TRPM6: variants seen among roughly 807,000 people sequenced by gnomAD.
TRPM6 encodes channel kinase 2.
A neutral mutation model predicts 247.6 loss-of-function variants in TRPM6; 111 were observed. The observed-to-expected ratio is 0.45, with a 90% CI of 0.38 to 0.52. The LOEUF (loss-of-function observed/expected upper bound fraction) is 0.52. Among genes scored for constraint, TRPM6 ranks in the 20% least tolerant of loss-of-function variants. The pLI, the probability that TRPM6 is intolerant of heterozygous loss-of-function variation, is 0.00. For synonymous variants in TRPM6, 892 were observed against 853.8 expected (o/e 1.04, Z -0.78); for missense variants, 2,126 against 2,421.5 (o/e 0.88, Z 2.56).
chr9:74,731,604 A>G (rs1311475191), intron 37 of TRPM6, among the ~76,000 whole-genome samples: 1 of 151,436 alleles, frequency 6.6e-6, no homozygotes, highest in African/African-American at 2.4e-5. Context: ...CAGTAAAATA[A>G]CACAGCACTA....
chr9:74,875,622 T>C (rs1831174902), intron 1 of TRPM6, among the ~76,000 whole-genome samples: 1 of 152,170 alleles, frequency 6.6e-6, no homozygotes, highest in East Asian at 1.9e-4. Context: ...CCTCCTAGTT[T>C]GCCTTTCTTA....
intron 30 of TRPM6, 125 bp downstream of exon 30, chr9:74,750,539 A>G (rs1391681820): frequency 1.1e-6 from 1 of 881,502 alleles, no homozygotes; most frequent in East Asian, 2.5e-5. Flanking sequence ...AACAAGAGAA[A>G]AGTATTGTCA....
At chr9:74,830,593 TTGAGACAGGGTCTTACTC>T (rs1229476829) in intron 6 of TRPM6, among the ~76,000 whole-genome samples, 5 of 151,926 alleles carry the variant, frequency 3.3e-5, no homozygotes, top group Admixed American at 3.3e-4. Flanking sequence ...GTTTGTTTGT[TTGAGACAGGGTCTTACTC>T]TGTTGCCCAG....
intron 1 of TRPM6, among the ~76,000 whole-genome samples, chr9:74,863,889 T>TA (rs1830766289): frequency 2.6e-5 from 1 of 38,954 alleles, no homozygotes; most frequent in South Asian, 2.1e-3. Flanking sequence ...CCCGGCAACC[T>TA]TTTTTTTTTT....
intron 23 of TRPM6, among the ~76,000 whole-genome samples, chr9:74,781,242 A>T (rs1459526059): frequency 2.0e-5 from 3 of 152,118 alleles, no homozygotes; most frequent in Non-Finnish European, 4.4e-5. Flanking sequence ...AGTGACAGAG[A>T]AGAAAACAGA....
chr9:74,763,334 T>G (rs1826716701), intron 25 of TRPM6, among the ~76,000 whole-genome samples, 200 bp from the exon 26 acceptor site: 1 of 152,186 alleles, frequency 6.6e-6, no homozygotes, highest in Non-Finnish European at 1.5e-5. Context: ...TGCCCACTAC[T>G]ACCCATAGGA....
chr9:74,838,420 G>A (rs959620295), intron 5 of TRPM6, among the ~76,000 whole-genome samples: 2 of 152,208 alleles, frequency 1.3e-5, no homozygotes, highest in African/African-American at 2.4e-5. Flanking sequence ...TTTGTGATGG[G>A]CCAAATCCCT....
rs200291150 is a variant in TRPM6 at position 74,808,195 on chromosome 9, G to A, written c.1498-21C>T. 3.3e-5 allele frequency: 54 copies of A among 1,613,512 alleles called. No individual in the cohort carries two copies. The East Asian group carries it at 1.0e-3, about 31-fold the overall frequency. On this transcript the variant is annotated intron_variant, in intron 13 of 38. Coordinates refer to ENST00000360774, the MANE Select transcript of TRPM6 (RefSeq NM_017662.5). ...GTATGCTGCAACAAAAACATGCAAC[G>A]ACTTTTAACTTTTAGTTATCTTCTT...
In TRPM6 at chr9:74,812,439, G is replaced by A. The variant is rs936306030; in HGVS notation, c.1309-6C>T. The A allele has an allele frequency of 2.5e-6, 4 of 1,612,818 alleles. No individual in the cohort carries two copies. The highest frequency in any genetic ancestry group is 3.4e-6 in the Non-Finnish European group (4 of 1,179,628). On this transcript the variant is annotated splice_polypyrimidine_tract_variant and splice_region_variant and intron_variant, in intron 11 of 38. Transcript: ENST00000360774. ...GCTTGTTCCAGGGCATCAGGCTTCA[G>A]AAAGCACAAATAAGAAATATAAAGA...
chr9:74,807,179 A>G (rs1428026060), intron 14 of TRPM6, among the ~76,000 whole-genome samples: 1 of 152,164 alleles, frequency 6.6e-6, no homozygotes. Context: ...TTCTTTATAA[A>G]GGATCCCAAG....
chr9:74,856,112 T>C (rs186871773), intron 2 of TRPM6, among the ~76,000 whole-genome samples: 1 of 152,228 alleles, frequency 6.6e-6, no homozygotes, highest in Admixed American at 6.5e-5. Flanking sequence ...CAGAAGAACC[T>C]TATAGATTTA....
At position 74,764,848 on chromosome 9, in the gene TRPM6, GA is replaced by G. The variant is rs371635504; in HGVS notation, c.3537-1715del. On this transcript the variant is annotated intron_variant, in intron 25 of 38. Coordinates refer to ENST00000360774, the MANE Select transcript of TRPM6 (RefSeq NM_017662.5). ...GCAAAAACTTTCACAATTTATTGAG[GA>G]AAAAAAATTACAAAGACTCCCAAGG... Among the ~76,000 whole-genome samples, 130 of 151,924 alleles carry G rather than the reference GA, an allele frequency of 8.6e-4. 4 individuals are homozygous for G. In the South Asian group the frequency reaches 9.3e-3, roughly 11 times the overall value.
intron 16 of TRPM6, 122 bp downstream of exon 16, chr9:74,801,776 G>T: frequency 8.2e-7 from 1 of 1,216,996 alleles, no homozygotes; most frequent in Non-Finnish European, 1.2e-6. Flanking sequence ...TAACAGGAGA[G>T]TCCATAAAAT....
chr9:74,832,299 A>G (rs1829574328), intron 6 of TRPM6, among the ~76,000 whole-genome samples: 1 of 152,228 alleles, frequency 6.6e-6, no homozygotes, highest in African/African-American at 2.4e-5. Context: ...CCATAGATTA[A>G]AAGTGACAAA....
chr9:74,730,708 G>A (rs1014022745), intron 37 of TRPM6, among the ~76,000 whole-genome samples: 5 of 152,110 alleles, frequency 3.3e-5, no homozygotes, highest in East Asian at 1.9e-4. Flanking sequence ...GTTGGTCCAC[G>A]TCCCATGCTT....
rs558312693 is a variant in TRPM6 at position 74,747,849 on chromosome 9, GA to G, written c.5083+39del. ...ACAGTGAACCTCGCATTAAAAAGAT[GA>G]AAAAATAAAAAATAAAATGTTTAAA... is the stretch of plus-strand genomic sequence containing the variant. On this transcript the variant is annotated intron_variant, in intron 31 of 38. Transcript: ENST00000360774. 948 of 1,534,414 alleles carry G rather than the reference GA, an allele frequency of 6.2e-4. 4 individuals are homozygous for G. In the African/African-American group the frequency reaches 0.012, roughly 19 times the overall value.
rs1554677809 is a variant in TRPM6 at position 74,723,824 on chromosome 9, AT to A, written c.*788del. ...AAAATAAAAATATATATATATATAT[AT>A]AAAATATATATATTCCATATGTATT... On this transcript the variant is annotated 3_prime_UTR_variant, in exon 39 of 39. Transcript: ENST00000360774. 42 of 146,690 alleles carry A rather than the reference AT, an allele frequency of 2.9e-4. No homozygotes were observed. Among genetic ancestry groups the A allele is most frequent in the African/African-American group, 9.2e-4 (37 of 40,414 alleles). The allele number at this position is 146,690 out of a possible 1,614,324, so 9.1% of individuals were successfully genotyped here.
At chr9:74,844,463 C>A (rs1355123903) in intron 3 of TRPM6, among the ~76,000 whole-genome samples, 2 of 152,218 alleles carry the variant, frequency 1.3e-5, no homozygotes, top group Non-Finnish European at 2.9e-5. Flanking sequence ...TCACCCTGAA[C>A]TTTTATATTA....
At chr9:74,813,882 T>C (rs141077851) in intron 11 of TRPM6, among the ~76,000 whole-genome samples, 9,714 of 152,160 alleles carry the variant, frequency 0.064, 1,009 homozygotes, top group African/African-American at 0.22. Context: ...ATATCACCTG[T>C]GGTCAGGAGT....
Sources: allele counts gnomAD v4.1 joint callset (sites outside exome capture counted in the v4.1 genomes callset), GRCh38; gene constraint gnomAD v4.1.1; transcripts MANE v1.5; gene names NCBI Gene and HGNC (gene_info 2026-07-23, HGNC 2026-07-21).